DNER: variants seen among roughly 807,000 people sequenced by gnomAD.
DNER encodes delta/notch like EGF repeat containing.
Under a neutral mutation model 78.2 loss-of-function variants are expected in DNER, and 33 were observed. The observed-to-expected ratio is 0.42, with a 90% CI of 0.32 to 0.56. The LOEUF (loss-of-function observed/expected upper bound fraction) is 0.56, where lower values mean the gene tolerates loss of function less well. Ranked by LOEUF, DNER falls within the 20% of genes least tolerant of loss-of-function variation. The pLI is 0.11. For synonymous variants in DNER, 417 were observed against 384.8 expected (o/e 1.08, Z -0.98); for missense variants, 918 against 975.3 (o/e 0.94, Z 0.78).
intron 9 of DNER, among the ~76,000 whole-genome samples, chr2:229,412,778 C>T (rs115604748): frequency 0.021 from 3,125 of 152,232 alleles, 101 homozygotes; most frequent in African/African-American, 0.071. Context: ...AGCAAGGCGA[C>T]GTGCAAGAGG....
intron 1 of DNER, among the ~76,000 whole-genome samples, chr2:229,594,783 G>A (rs1697675841): frequency 6.6e-6 from 1 of 151,918 alleles, no homozygotes; most frequent in Non-Finnish European, 1.5e-5. Flanking sequence ...GAAGGTAAGG[G>A]TTATATTTTT....
chr2:229,631,218 T>A lies in DNER; in HGVS notation c.277-39330A>T, dbSNP rs182390220. Among the ~76,000 whole-genome samples the A allele has an allele frequency of 2.0e-5, 3 of 152,216 alleles. No individual in the cohort carries two copies. The South Asian group carries it at 6.2e-4, about 32-fold the overall frequency. ...GGGAAAGCACCTTATTTTATTTTCA[T>A]ACCTGCAGGGAAAAAAAAAACATTT... is the stretch of plus-strand genomic sequence containing the variant. On this transcript the variant is annotated intron_variant, in intron 1 of 12. Coordinates refer to ENST00000341772, the MANE Select transcript of DNER (RefSeq NM_139072.4).
chr2:229,532,877 GAGAGAA>G (rs1476172113), intron 5 of DNER, among the ~76,000 whole-genome samples: 1 of 152,204 alleles, frequency 6.6e-6, no homozygotes, highest in Non-Finnish European at 1.5e-5. Context: ...GAAGGAAAAG[GAGAGAA>G]AGTGCCTTGG....
At chr2:229,648,933 C>T (rs569387007) in intron 1 of DNER, among the ~76,000 whole-genome samples, 1 of 152,324 alleles carries the variant, frequency 6.6e-6, no homozygotes, top group African/African-American at 2.4e-5. Flanking sequence ...TGAAAATGTG[C>T]TTGCAATTAC....
intron 1 of DNER, among the ~76,000 whole-genome samples, chr2:229,654,481 C>A (rs145015599): frequency 2.6e-5 from 4 of 152,200 alleles, no homozygotes; most frequent in African/African-American, 4.8e-5. Flanking sequence ...TGTCTTATTT[C>A]AATATGAATT....
chr2:229,614,482 A>G (rs1698115555), intron 1 of DNER, among the ~76,000 whole-genome samples: 1 of 152,218 alleles, frequency 6.6e-6, no homozygotes, highest in East Asian at 1.9e-4. Context: ...CTCCAAGCCC[A>G]GTCTCCTGGC....
intron 1 of DNER, among the ~76,000 whole-genome samples, chr2:229,688,427 G>T (rs74560790): frequency 6.6e-6 from 1 of 152,188 alleles, no homozygotes; most frequent in Non-Finnish European, 1.5e-5. Flanking sequence ...GCATCAACTT[G>T]AAGACTGAAA....
At chr2:229,585,255 T>C (rs561304435) in intron 4 of DNER, among the ~76,000 whole-genome samples, 1 of 152,336 alleles carries the variant, frequency 6.6e-6, no homozygotes, top group African/African-American at 2.4e-5. Flanking sequence ...GGAAAACTGA[T>C]GGCCAGAGCA....
intron 1 of DNER, among the ~76,000 whole-genome samples, chr2:229,701,455 T>A (rs1329062631): frequency 6.6e-6 from 1 of 152,246 alleles, no homozygotes; most frequent in Non-Finnish European, 1.5e-5. Flanking sequence ...ATACAAAAAA[T>A]GCTCATTGTT....
chr2:229,471,588 AG>A (rs1302438279), intron 7 of DNER, among the ~76,000 whole-genome samples: 41 of 152,336 alleles, frequency 2.7e-4, no homozygotes, highest in African/African-American at 9.6e-4. Flanking sequence ...GGTCCCTTAA[AG>A]GTAGTAGTCA....
In DNER at chr2:229,367,092, G is replaced by A. The variant is rs767698174; in HGVS notation, c.1883C>T (p.Ala628Val). The part of the protein sequence containing the change: ...IHLQWKSGHM[A>V]ESLTNMPRHS... ...CCGTGGCATGTTGGTGAGGCTCTCC[G>A]CCATGTGCCCGGACTTCCATTGGAG... Residue 628 changes from alanine (A) to valine (V), a missense_variant, in exon 12 of 13, where the codon GCG becomes GTG. Physicochemically the swap from Ala to Val is moderately conservative, Grantham distance 64. Coordinates refer to ENST00000341772, the MANE Select transcript of DNER (RefSeq NM_139072.4). 9.9e-6 allele frequency: 16 copies of A among 1,613,976 alleles called. No individual in the cohort carries two copies. The highest frequency in any genetic ancestry group is 4.4e-5 in the South Asian group (4 of 91,056).
chr2:229,541,899 ATTATAT>A (rs980983126), intron 5 of DNER, among the ~76,000 whole-genome samples: 17 of 147,162 alleles, frequency 1.2e-4, no homozygotes, highest in African/African-American at 2.7e-4. Flanking sequence ...GTATATATAA[ATTATAT>A]TTATATTTAT....
At position 229,539,992 on chromosome 2, in the gene DNER, C is replaced by A. The variant is rs190811387; in HGVS notation, c.993+6955G>T. Among the ~76,000 whole-genome samples, 3 of 152,240 alleles carry A rather than the reference C, an allele frequency of 2.0e-5. No individual in the cohort carries two copies. The East Asian group carries it at 5.8e-4, about 29-fold the overall frequency. Reference sequence around the variant, plus strand: ...TCCAGAGCCTAGAGGGTACCAGACACACAGCAGGTGCTCAATAACGTTGCA... The same window carrying A: ...TCCAGAGCCTAGAGGGTACCAGACAAACAGCAGGTGCTCAATAACGTTGCA... On this transcript the variant is annotated intron_variant, in intron 5 of 12. Coordinates refer to ENST00000341772, the MANE Select transcript of DNER (RefSeq NM_139072.4).
intron 8 of DNER, among the ~76,000 whole-genome samples, chr2:229,436,505 C>T (rs951693138): frequency 6.6e-6 from 1 of 151,988 alleles, no homozygotes; most frequent in Non-Finnish European, 1.5e-5. Context: ...TCAGATTCTC[C>T]GATGTCAAAA....
intron 4 of DNER, among the ~76,000 whole-genome samples, chr2:229,548,792 T>C (rs1379734974): frequency 6.6e-6 from 1 of 152,042 alleles, no homozygotes; most frequent in Admixed American, 6.6e-5. Context: ...AAACTTCAAG[T>C]GGAAAATATA....
At chr2:229,359,525 C>T (rs1692164664) in intron 12 of DNER, among the ~76,000 whole-genome samples, 1 of 152,276 alleles carries the variant, frequency 6.6e-6, no homozygotes, top group Non-Finnish European at 1.5e-5. Context: ...ATCCTCCCTC[C>T]TCCTTTGTCT....
chr2:229,570,676 G>A (rs1458962375), intron 4 of DNER, among the ~76,000 whole-genome samples: 1 of 152,000 alleles, frequency 6.6e-6, no homozygotes, highest in Non-Finnish European at 1.5e-5. Flanking sequence ...AAGAGAGCAG[G>A]GCACAGGCAT....
intron 7 of DNER, 41 bp from the exon 8 acceptor site, chr2:229,447,581 A>C: frequency 1.9e-6 from 3 of 1,580,478 alleles, no homozygotes; most frequent in Non-Finnish European, 2.6e-6. Flanking sequence ...ACTAAAACAC[A>C]TTTGCACATA....
At chr2:229,368,370 G>A (rs1333953884) in intron 11 of DNER, among the ~76,000 whole-genome samples, 3 of 151,656 alleles carry the variant, frequency 2.0e-5, no homozygotes, top group African/African-American at 7.3e-5. Context: ...CTCAAAAGAA[G>A]AAAAAACACA....
Sources: allele counts gnomAD v4.1 joint callset (sites outside exome capture counted in the v4.1 genomes callset), GRCh38; gene constraint gnomAD v4.1.1; transcripts MANE v1.5; gene names NCBI Gene and HGNC (gene_info 2026-07-23, HGNC 2026-07-21).